The following TDRKH variants were observed in gnomAD, a reference collection of about 807,000 sequenced individuals.
TDRKH encodes tudor and KH domain containing.
A neutral mutation model predicts 61.3 loss-of-function variants in TDRKH; 28 were observed. The observed-to-expected ratio is 0.46, with a 90% CI of 0.34 to 0.63. The LOEUF is 0.63. TDRKH is among the 20% of genes least tolerant of loss of function. The pLI is 0.01. For synonymous variants in TDRKH, 219 were observed against 244.4 expected (o/e 0.90, Z 0.97); for missense variants, 540 against 683.4 (o/e 0.79, Z 2.34).
chr1:151,783,301 A>C (rs1389426559), intron 1 of TDRKH: 1 of 192,594 alleles, frequency 5.2e-6, no homozygotes, highest in Non-Finnish European at 1.1e-5. Context: ...TTAAAAGACA[A>C]AAAAAATTAA....
At chr1:151,773,195 ACCATG>A (rs1648839883), downstream of TDRKH, among the ~76,000 whole-genome samples, 1 of 152,060 alleles carries the variant, frequency 6.6e-6, no homozygotes, top group Non-Finnish European at 1.5e-5. Context: ...GGTGCATGCC[ACCATG>A]CCTGGCTAAT....
At chr1:151,784,449 C>T (rs1178745230) in intron 1 of TDRKH, among the ~76,000 whole-genome samples, 2 of 152,212 alleles carry the variant, frequency 1.3e-5, no homozygotes, top group African/African-American at 4.8e-5. Context: ...TCCACTCTAA[C>T]TGCTCACATC....
chr1:151,787,850 G>A (rs1414579846), intron 1 of TDRKH, among the ~76,000 whole-genome samples: 1 of 148,824 alleles, frequency 6.7e-6, no homozygotes, highest in Non-Finnish European at 1.5e-5. Context: ...TTAGCTAGGC[G>A]TGGTGTTGCA....
chr1:151,783,092 TC>T, intron 1 of TDRKH, 43 bp from the exon 2 acceptor site: 4 of 1,565,726 alleles, frequency 2.6e-6, no homozygotes, highest in African/African-American at 1.4e-5. Context: ...TTTCATCCAA[TC>T]CTTTTATGAA....
chr1:151,766,615 T>C, downstream of TDRKH: 1 of 1,330,996 alleles, frequency 7.5e-7, no homozygotes, highest in Non-Finnish European at 1.0e-6. Flanking sequence ...GCTGACCCCT[T>C]ATCCATGTCA....
intron 11 of TDRKH, 64 bp from the exon 12 acceptor site, chr1:151,774,870 C>T: frequency 8.3e-6 from 13 of 1,561,720 alleles, no homozygotes; most frequent in Non-Finnish European, 1.1e-5. Context: ...AGAGGCCACC[C>T]TTTCATTCTT....
chr1:151,781,565 C>T lies in TDRKH; in HGVS notation c.147G>A (p.Gly49=). 6.2e-7 allele frequency: 1 copy of T among 1,613,480 alleles called. No homozygotes were observed. Residue 49 remains glycine, a synonymous_variant, in exon 3 of 13, where the codon GGG becomes GGA. Coordinates refer to ENST00000368824, the MANE Select transcript of TDRKH (RefSeq NM_001083965.2). ...GCATCTCTATCTCAATGTCATCTTCCCCAACAAATGTCAGCCGCTCTTCTG... is the reference window on the plus strand; with the variant it reads ...GCATCTCTATCTCAATGTCATCTTCTCCAACAAATGTCAGCCGCTCTTCTG... ...ESREERLTFV[G]EDDIEIEMRV... is the part of the protein sequence containing the mutation.
At position 151,779,855 on chromosome 1, in the gene TDRKH, G is replaced by A. The variant is rs899929738; in HGVS notation, c.421+96C>T. 5 of 1,304,292 alleles carry A rather than the reference G, an allele frequency of 3.8e-6. 1 individual carries two copies. The highest frequency in any genetic ancestry group is 4.2e-6 in the Non-Finnish European group (4 of 950,412). 80.8% of individuals were successfully genotyped at this position (1,304,292 alleles called of 1,614,324 possible). A position where few individuals can be genotyped will look rare whatever the true frequency, so the allele number is the denominator to read the frequency against. ...GTCCCTTTTTTTCCCCTCACATGGT[G>A]AAGGGGAACTAGGCCAGAAAAAACC... On this transcript the variant is annotated intron_variant, in intron 4 of 12. Coordinates refer to ENST00000368824, the MANE Select transcript of TDRKH (RefSeq NM_001083965.2).
chr1:151,770,398 A>T, downstream of TDRKH: 20 of 1,242,540 alleles, frequency 1.6e-5, no homozygotes, highest in East Asian at 2.6e-5. Context: ...ACCTACCACG[A>T]AGGTGGGAAG....
intron 9 of TDRKH, 127 bp from the exon 10 acceptor site, chr1:151,775,670 C>T (rs1370047083): frequency 6.0e-6 from 9 of 1,492,292 alleles, no homozygotes; most frequent in Non-Finnish European, 5.4e-6. Flanking sequence ...GTCTGCCAGG[C>T]AAGTTTCTGG....
downstream of TDRKH, chr1:151,766,709 C>T: frequency 6.4e-7 from 1 of 1,551,680 alleles, no homozygotes; most frequent in Non-Finnish European, 8.7e-7. Flanking sequence ...CAGGGAGGCA[C>T]TGAACTGAAA....
At chr1:151,768,398 T>G (rs989376198), downstream of TDRKH, among the ~76,000 whole-genome samples, 2 of 152,166 alleles carry the variant, frequency 1.3e-5, no homozygotes, top group African/African-American at 4.8e-5. Context: ...GTTCAAGGGA[T>G]AAGAGTCCAT....
downstream of TDRKH, chr1:151,767,333 C>A (rs749982149): frequency 1.9e-6 from 3 of 1,602,356 alleles, no homozygotes; most frequent in South Asian, 2.2e-5. Flanking sequence ...TGTGACAGGG[C>A]AACCCTTTTC....
chr1:151,779,837 T>C (rs1649575240), intron 4 of TDRKH, 114 bp downstream of exon 4: 1 of 1,149,794 alleles, frequency 8.7e-7, no homozygotes, highest in Non-Finnish European at 1.2e-6. Context: ...AATGTCCCTT[T>C]TTTTCCCCTC....
At chr1:151,777,257 C>T (rs913516530) in intron 6 of TDRKH, among the ~76,000 whole-genome samples, 1 of 152,044 alleles carries the variant, frequency 6.6e-6, no homozygotes, top group Non-Finnish European at 1.5e-5. Context: ...CCAGCCTGTC[C>T]AACATGGTGA....
chr1:151,788,955 G>A (rs983791202), intron 1 of TDRKH, among the ~76,000 whole-genome samples: 1 of 152,192 alleles, frequency 6.6e-6, no homozygotes, highest in Non-Finnish European at 1.5e-5. Flanking sequence ...GTGGTGAGGA[G>A]AATGAATTGA....
rs973298568 is a variant in TDRKH at position 151,773,637 on chromosome 1, G to A, written c.*815C>T. The stretch of plus-strand genomic sequence containing the variant: ...ATTTAGAAAATTTCCTGAGCCTCCT[G>A]TCTCCTTTCTACTTATATTTTAACT... On this transcript the variant is annotated 3_prime_UTR_variant, in exon 13 of 13. Transcript: ENST00000368824. 6.6e-6 allele frequency: 1 copy of A among 152,260 alleles called. No homozygotes were observed. Among genetic ancestry groups the A allele is most frequent in the Non-Finnish European group, 1.5e-5 (1 of 68,034 alleles). 9.4% of individuals were successfully genotyped at this position (152,260 alleles called of 1,614,324 possible).
chr1:151,769,848 A>G (rs947648510), downstream of TDRKH, among the ~76,000 whole-genome samples: 13 of 152,362 alleles, frequency 8.5e-5, no homozygotes, highest in East Asian at 1.9e-4. Flanking sequence ...CGAGGCTGGC[A>G]GATCACTCGT....
intron 1 of TDRKH, among the ~76,000 whole-genome samples, chr1:151,787,614 C>G (rs377715782): frequency 2.0e-5 from 3 of 151,838 alleles, no homozygotes; most frequent in Non-Finnish European, 4.4e-5. Context: ...GTGCTGAGCA[C>G]GTTGGGGACA....
Sources: allele counts gnomAD v4.1 joint callset (sites outside exome capture counted in the v4.1 genomes callset), GRCh38; gene constraint gnomAD v4.1.1; transcripts MANE v1.5; gene names NCBI Gene and HGNC (gene_info 2026-07-23, HGNC 2026-07-21).